REDIC1: variants seen among roughly 807,000 people sequenced by gnomAD.
REDIC1 encodes regulator of DNA class I crossover intermediates 1, also known as HEI10 Interacting Protein 1.
chr12:39,690,568 A>G, the REDIC1 span, among the ~76,000 whole-genome samples: 2 of 152,236 alleles, frequency 1.3e-5, no homozygotes, highest in African/African-American at 4.8e-5. Flanking sequence ...TTGAATATGA[A>G]TTAATATATT....
chr12:39,787,161 G>T, the REDIC1 span, among the ~76,000 whole-genome samples: 3,247 of 152,200 alleles, frequency 0.021, 117 homozygotes, highest in African/African-American at 0.075. Context: ...TTATACAAAG[G>T]TTAACACACA....
chr12:39,885,873 C>T, the REDIC1 span, among the ~76,000 whole-genome samples: 1 of 152,186 alleles, frequency 6.6e-6, no homozygotes, highest in Non-Finnish European at 1.5e-5. Context: ...TGATTCATTT[C>T]AAGAGATTCT....
At chr12:39,812,357 CTTTTCTTTTCTTTT>C in the REDIC1 span, among the ~76,000 whole-genome samples, 1 of 140,390 alleles carries the variant, frequency 7.1e-6, no homozygotes, top group African/African-American at 2.8e-5. Flanking sequence ...CTTTTCTTTT[CTTTTCTTTTCTTTT>C]CTTTTCTTTT....
chr12:39,680,597 A>G, the REDIC1 span, among the ~76,000 whole-genome samples: 1 of 152,202 alleles, frequency 6.6e-6, no homozygotes, highest in Non-Finnish European at 1.5e-5. Flanking sequence ...AAAGTGAACT[A>G]CCATTTGATC....
chr12:39,782,349 G>A, the REDIC1 span, among the ~76,000 whole-genome samples: 43 of 152,126 alleles, frequency 2.8e-4, no homozygotes, highest in Non-Finnish European at 5.0e-4. Flanking sequence ...GGGGGCGGCC[G>A]GTCTTTTCTA....
the REDIC1 span, among the ~76,000 whole-genome samples, chr12:39,725,083 A>G: frequency 3.3e-5 from 5 of 152,168 alleles, no homozygotes; most frequent in Admixed American, 3.3e-4. Context: ...AAAATGACAG[A>G]GCCTCAAAGT....
chr12:39,785,115 A>C, the REDIC1 span, among the ~76,000 whole-genome samples: 1 of 152,178 alleles, frequency 6.6e-6, no homozygotes, highest in Non-Finnish European at 1.5e-5. Flanking sequence ...GCCTAATGTG[A>C]ATCCCCAAGA....
chr12:39,722,002 T>C, the REDIC1 span: 1 of 152,144 alleles, frequency 6.6e-6, no homozygotes, highest in Non-Finnish European at 1.5e-5. Context: ...ACAACACTTA[T>C]TTTGTATAAG....
At chr12:39,857,211 C>T in the REDIC1 span, among the ~76,000 whole-genome samples, 11 of 152,032 alleles carry the variant, frequency 7.2e-5, no homozygotes, top group East Asian at 3.9e-4. Context: ...CTTTTAAGTT[C>T]AAGAAGGAAT....
chr12:39,782,971 T>G, the REDIC1 span, among the ~76,000 whole-genome samples: 1 of 152,186 alleles, frequency 6.6e-6, no homozygotes, highest in Non-Finnish European at 1.5e-5. Flanking sequence ...GCTGCACCCA[T>G]TAACTCGTCA....
the REDIC1 span, among the ~76,000 whole-genome samples, chr12:39,853,942 C>G: frequency 3.3e-5 from 5 of 151,968 alleles, no homozygotes; most frequent in African/African-American, 1.2e-4. Context: ...TCATTTGGTA[C>G]TTGATTTTCA....
At chr12:39,728,909 T>C in the REDIC1 span, among the ~76,000 whole-genome samples, 2 of 151,054 alleles carry the variant, frequency 1.3e-5, no homozygotes, top group Admixed American at 1.3e-4. Flanking sequence ...TGTCCAGGAA[T>C]TCATCCATTT....
the REDIC1 span, among the ~76,000 whole-genome samples, chr12:39,900,242 T>A: frequency 3.3e-5 from 5 of 152,086 alleles, no homozygotes; most frequent in Non-Finnish European, 7.4e-5. Context: ...TCATACTGAA[T>A]GGGCAAAAAC....
At chr12:39,690,481 ATAGCAATTC>A in the REDIC1 span, among the ~76,000 whole-genome samples, 72 of 152,320 alleles carry the variant, frequency 4.7e-4, no homozygotes, top group African/African-American at 1.5e-3. Context: ...AAGAAATGAA[ATAGCAATTC>A]TATATACAGT....
chr12:39,776,010 T>C, the REDIC1 span, among the ~76,000 whole-genome samples: 81 of 152,344 alleles, frequency 5.3e-4, no homozygotes, highest in African/African-American at 1.9e-3. Flanking sequence ...TCAGGAATAC[T>C]GAAACTGTAG....
the REDIC1 span, among the ~76,000 whole-genome samples, chr12:39,902,183 G>C: frequency 7.2e-6 from 1 of 139,618 alleles, no homozygotes; most frequent in African/African-American, 2.7e-5. Flanking sequence ...CACACTCTGG[G>C]GACTGTTGTG....
the REDIC1 span, among the ~76,000 whole-genome samples, chr12:39,666,044 G>A: frequency 1.3e-5 from 2 of 152,098 alleles, no homozygotes; most frequent in Non-Finnish European, 2.9e-5. Flanking sequence ...TTTCCTACTT[G>A]ATTATCCTTT....
the REDIC1 span, among the ~76,000 whole-genome samples, chr12:39,666,221 T>C: frequency 6.6e-6 from 1 of 152,216 alleles, no homozygotes; most frequent in Non-Finnish European, 1.5e-5. Flanking sequence ...ATAGCTCTTA[T>C]TATTTTGAAA....
chr12:39,787,332 CTGT>C, the REDIC1 span, among the ~76,000 whole-genome samples: 4 of 152,102 alleles, frequency 2.6e-5, no homozygotes, highest in Admixed American at 6.5e-5. Flanking sequence ...ACAGTAATTA[CTGT>C]TGTTATTATT....
Sources: allele counts gnomAD v4.1 joint callset (sites outside exome capture counted in the v4.1 genomes callset), GRCh38; gene constraint gnomAD v4.1.1; transcripts MANE v1.5; gene names NCBI Gene and HGNC (gene_info 2026-07-23, HGNC 2026-07-21).